EPHB1: variants seen among roughly 807,000 people sequenced by gnomAD.
The protein encoded by EPHB1 is ephrin type-B receptor 1.
A neutral mutation model predicts 94.4 loss-of-function variants in EPHB1; 30 were observed. The observed-to-expected ratio is 0.32, with a 90% CI of 0.24 to 0.43. The LOEUF (loss-of-function observed/expected upper bound fraction) is 0.43, where lower values mean the gene tolerates loss of function less well. EPHB1 is among the 20% of genes least tolerant of loss of function. The pLI, the probability that EPHB1 is intolerant of heterozygous loss-of-function variation, is 1.00. For synonymous variants in EPHB1, 522 were observed against 489.1 expected (o/e 1.07, Z -0.89); for missense variants, 1,055 against 1,308.3 (o/e 0.81, Z 2.99).
intron 3 of EPHB1, among the ~76,000 whole-genome samples, chr3:134,959,434 C>T (rs1208732027): frequency 3.3e-5 from 5 of 152,192 alleles, no homozygotes; most frequent in African/African-American, 1.2e-4. Context: ...CTAAAAATAA[C>T]CATCCTTTAA....
intron 1 of EPHB1, among the ~76,000 whole-genome samples, chr3:134,897,611 C>T (rs1037678984): frequency 4.6e-5 from 7 of 152,210 alleles, no homozygotes; most frequent in African/African-American, 1.7e-4. Flanking sequence ...CCTGACCACC[C>T]ACTTTGAAGT....
intron 2 of EPHB1, among the ~76,000 whole-genome samples, chr3:134,938,694 G>A (rs1177012308): frequency 6.6e-6 from 1 of 152,152 alleles, no homozygotes; most frequent in Non-Finnish European, 1.5e-5. Flanking sequence ...GTCCCCAGAG[G>A]GTAGCTATTC....
chr3:134,923,227 T>G (rs1354311732), intron 1 of EPHB1, among the ~76,000 whole-genome samples: 1 of 152,138 alleles, frequency 6.6e-6, no homozygotes, highest in Non-Finnish European at 1.5e-5. Flanking sequence ...GGTAGGAAAA[T>G]GCAGCTTTCT....
intron 1 of EPHB1, among the ~76,000 whole-genome samples, chr3:134,855,771 A>G (rs1471083140): frequency 6.6e-6 from 1 of 152,194 alleles, no homozygotes; most frequent in Non-Finnish European, 1.5e-5. Flanking sequence ...AAAGAAAGCT[A>G]GGACCTAGAG....
chr3:135,068,366 C>T (rs1937611574), intron 3 of EPHB1, among the ~76,000 whole-genome samples: 1 of 152,056 alleles, frequency 6.6e-6, no homozygotes, highest in Non-Finnish European at 1.5e-5. Context: ...TATAGCCTTC[C>T]CTGTAGGTAT....
chr3:134,940,978 G>A (rs1453339562), intron 2 of EPHB1, among the ~76,000 whole-genome samples: 1 of 152,150 alleles, frequency 6.6e-6, no homozygotes, highest in South Asian at 2.1e-4. Context: ...GTCAACAGAG[G>A]CCAAAAAGCC....
At position 135,067,690 on chromosome 3, in the gene EPHB1, G is replaced by C. The variant is rs1019549602; in HGVS notation, c.806-38758G>C. On this transcript the variant is annotated intron_variant, in intron 3 of 15. Transcript: ENST00000398015. ...ATGCCAGATTCGCACCCTCCCCTGA[G>C]TTCTGGCCAGGAGGCTTCTGAACAA... The C allele has an allele frequency of 3.5e-4, 54 of 152,206 alleles. 1 individual carries two copies. The highest frequency in any genetic ancestry group is 1.3e-3 in the African/African-American group (52 of 41,440). The allele number at this position is 152,206 out of a possible 1,614,324, so 9.4% of individuals were successfully genotyped here. A position where few individuals can be genotyped will look rare whatever the true frequency, so the allele number is the denominator to read the frequency against.
chr3:134,980,516 G>C (rs573063903), intron 3 of EPHB1, among the ~76,000 whole-genome samples: 29 of 152,294 alleles, frequency 1.9e-4, no homozygotes, highest in African/African-American at 7.0e-4. Flanking sequence ...ACAAGAAACT[G>C]TTTCTCTTCT....
chr3:135,033,732 A>G (rs1288837013), intron 3 of EPHB1, among the ~76,000 whole-genome samples: 1 of 152,230 alleles, frequency 6.6e-6, no homozygotes, highest in Non-Finnish European at 1.5e-5. Flanking sequence ...CAGTTTCTGA[A>G]TACATTGTTT....
chr3:135,006,671 A>T (rs1291515029), intron 3 of EPHB1, among the ~76,000 whole-genome samples: 7 of 152,218 alleles, frequency 4.6e-5, no homozygotes, highest in Non-Finnish European at 1.5e-5. Context: ...TTCTAAAAAG[A>T]GAGAGAATGA....
chr3:135,167,121 C>G (rs1170652569), intron 9 of EPHB1, 115 bp downstream of exon 9: 1 of 1,249,766 alleles, frequency 8.0e-7, no homozygotes. Context: ...CAAGTTCTCT[C>G]TCAGCCCCCA....
At chr3:135,244,967 CAAG>C (rs773556023) in intron 13 of EPHB1, among the ~76,000 whole-genome samples, 1 of 152,118 alleles carries the variant, frequency 6.6e-6, no homozygotes, top group East Asian at 1.9e-4. Flanking sequence ...AAATTATTTA[CAAG>C]AAGTAACAAA....
intron 3 of EPHB1, among the ~76,000 whole-genome samples, chr3:135,099,597 G>A (rs1938957190): frequency 6.6e-6 from 1 of 152,182 alleles, no homozygotes; most frequent in African/African-American, 2.4e-5. Context: ...GTTTCACCAG[G>A]CCTGAAATTT....
intron 3 of EPHB1, among the ~76,000 whole-genome samples, chr3:135,033,350 T>C (rs956160966): frequency 2.0e-5 from 3 of 152,200 alleles, no homozygotes; most frequent in African/African-American, 7.2e-5. Flanking sequence ...TGGGGGTCCA[T>C]GCTTTGCCTT....
chr3:134,957,166 AG>A (rs1447347800), intron 3 of EPHB1, among the ~76,000 whole-genome samples: 1 of 152,174 alleles, frequency 6.6e-6, no homozygotes, highest in African/African-American at 2.4e-5. Context: ...GGAAGGCATG[AG>A]AGCCCTCAGA....
intron 3 of EPHB1, among the ~76,000 whole-genome samples, chr3:135,039,548 G>A (rs2107764908): frequency 6.6e-6 from 1 of 152,378 alleles, no homozygotes; most frequent in Non-Finnish European, 1.5e-5. Context: ...CAGGCATGGT[G>A]GGCTGCAGGT....
In EPHB1 at chr3:135,207,754, TG is replaced by T. The variant is rs1447243765; in HGVS notation, c.2346+6066del. Among the ~76,000 whole-genome samples the T allele has an allele frequency of 4.6e-5, 7 of 152,348 alleles. No homozygotes were observed. In the South Asian group the frequency reaches 1.2e-3, roughly 27 times the overall value. On this transcript the variant is annotated intron_variant, in intron 12 of 15. Transcript: ENST00000398015. ...GCTTAAACAGCGGTCATTTATTTCT[TG>T]TCATCTGTAGGCTTGGGAGTCCAAG... is the stretch of plus-strand genomic sequence containing the variant.
At chr3:135,155,690 T>C (rs920958310) in intron 6 of EPHB1, among the ~76,000 whole-genome samples, 1 of 139,850 alleles carries the variant, frequency 7.2e-6, no homozygotes, top group Non-Finnish European at 1.5e-5. Flanking sequence ...CTCGGGAGGC[T>C]GAGGCTAGAG....
chr3:134,819,742 C>T (rs577990218), intron 1 of EPHB1, among the ~76,000 whole-genome samples: 1 of 152,116 alleles, frequency 6.6e-6, no homozygotes, highest in South Asian at 2.1e-4. Context: ...AGGTAGTTGC[C>T]CTTGGATCTT....
Sources: allele counts gnomAD v4.1 joint callset (sites outside exome capture counted in the v4.1 genomes callset), GRCh38; gene constraint gnomAD v4.1.1; transcripts MANE v1.5; gene names NCBI Gene and HGNC (gene_info 2026-07-23, HGNC 2026-07-21).